Variants in GPHN observed in about 807,000 individuals in gnomAD.
The protein encoded by GPHN is gephyrin.
GPHN carries 17 observed loss-of-function variants against 95.5 expected under a neutral mutation model. That is an observed-to-expected ratio of 0.18 (90% CI 0.12 to 0.27). GPHN has a LOEUF of 0.27. Ranked by LOEUF, GPHN falls within the 10% of genes least tolerant of loss-of-function variation. The pLI, the probability that GPHN is intolerant of heterozygous loss-of-function variation, is 1.00. For synonymous variants in GPHN, 320 were observed against 322.5 expected (o/e 0.99, Z 0.08); for missense variants, 660 against 978.1 (o/e 0.67, Z 4.34).
At chr14:67,302,355 C>A in the GPHN span, 2 of 1,252,426 alleles carry the variant, frequency 1.6e-6, no homozygotes, top group Non-Finnish European at 2.1e-6. Flanking sequence ...AAAATAAATG[C>A]TTAACAAAAA....
At chr14:67,501,772 T>G in the GPHN span, among the ~76,000 whole-genome samples, 1 of 152,186 alleles carries the variant, frequency 6.6e-6, no homozygotes. Flanking sequence ...CTAAAGATTT[T>G]TTAAAAGGTA....
intron 2 of GPHN, among the ~76,000 whole-genome samples, chr14:66,714,888 G>A (rs548664760): frequency 2.5e-4 from 38 of 152,190 alleles, no homozygotes; most frequent in African/African-American, 8.7e-4. Flanking sequence ...CTAGTATTTC[G>A]TTAGGGATTT....
At chr14:66,744,594 A>G (rs1179851163) in intron 2 of GPHN, among the ~76,000 whole-genome samples, 1 of 152,230 alleles carries the variant, frequency 6.6e-6, no homozygotes, top group South Asian at 2.1e-4. Context: ...ATTTCCTTAT[A>G]CAAGTAGTCT....
the GPHN span, among the ~76,000 whole-genome samples, chr14:67,594,789 A>T: frequency 6.6e-6 from 1 of 152,240 alleles, no homozygotes; most frequent in Non-Finnish European, 1.5e-5. Flanking sequence ...AATTAAAATT[A>T]AAAAATGCAT....
chr14:67,425,328 A>G, the GPHN span, among the ~76,000 whole-genome samples: 1 of 152,222 alleles, frequency 6.6e-6, no homozygotes, highest in African/African-American at 2.4e-5. Flanking sequence ...AGGCGGGAGA[A>G]TCACTTGAGG....
chr14:67,403,996 C>T, the GPHN span, among the ~76,000 whole-genome samples: 1 of 152,126 alleles, frequency 6.6e-6, no homozygotes, highest in African/African-American at 2.4e-5. Context: ...AAGGCTGCAA[C>T]AAGCTGTGAT....
rs370987385 is a variant in GPHN at position 67,108,439 on chromosome 14, CAGAGTAGAGAATG to C, written c.1294-1699_1294-1687del. On this transcript the variant is annotated intron_variant, in intron 13 of 22. Transcript: ENST00000478722. ...AGAGGTCAGCTTCTGGACCACAGCA[CAGAGTAGAGAATG>C]ATGATGTGATCTGGAGAGGCAAACA... is the stretch of plus-strand genomic sequence containing the variant. 4.3e-3 allele frequency among the ~76,000 whole-genome samples: 657 copies of C among 152,222 alleles called. 3 individuals are homozygous for C. The highest frequency in any genetic ancestry group is 0.015 in the African/African-American group (616 of 41,512).
intron 1 of GPHN, among the ~76,000 whole-genome samples, chr14:66,521,836 G>A (rs1046292188): frequency 4.6e-5 from 7 of 152,264 alleles, no homozygotes; most frequent in Admixed American, 2.0e-4. Flanking sequence ...GAGGGAACAA[G>A]GGAAGTCTTT....
the GPHN span, among the ~76,000 whole-genome samples, chr14:67,425,156 C>A: frequency 1.3e-5 from 2 of 152,132 alleles, no homozygotes; most frequent in Non-Finnish European, 2.9e-5. Context: ...GTGATCACAG[C>A]TCACTACAGC....
chr14:67,691,104 G>A, the GPHN span: 7 of 1,430,558 alleles, frequency 4.9e-6, no homozygotes, highest in Non-Finnish European at 6.9e-6. Flanking sequence ...AGAATTTTGG[G>A]TCTCTCTAGC....
At chr14:67,044,073 C>T (rs1465175735) in intron 10 of GPHN, among the ~76,000 whole-genome samples, 1 of 151,918 alleles carries the variant, frequency 6.6e-6, no homozygotes, top group East Asian at 1.9e-4. Flanking sequence ...TGGTGATATC[C>T]CCCATATCAT....
the GPHN span, among the ~76,000 whole-genome samples, chr14:67,268,103 G>A: frequency 6.6e-6 from 1 of 152,248 alleles, no homozygotes; most frequent in South Asian, 2.1e-4. Context: ...TGTGTGGAAT[G>A]TCTCAGTCAT....
intron 1 of GPHN, among the ~76,000 whole-genome samples, chr14:66,640,733 G>A (rs1248532664): frequency 2.6e-5 from 4 of 152,110 alleles, no homozygotes; most frequent in Non-Finnish European, 4.4e-5. Flanking sequence ...TTCCTTCCAA[G>A]TAGAATGGAG....
the GPHN span, chr14:67,204,862 A>G: frequency 6.2e-7 from 1 of 1,614,004 alleles, no homozygotes; most frequent in African/African-American, 1.3e-5. Context: ...TGAACATGTC[A>G]GGGACAGCAT....
At chr14:67,161,055 G>A (rs1173788952) in intron 19 of GPHN, among the ~76,000 whole-genome samples, 1 of 152,212 alleles carries the variant, frequency 6.6e-6, no homozygotes, top group Non-Finnish European at 1.5e-5. Context: ...ACTTTGGGAT[G>A]CTGAAGCAGG....
the GPHN span, among the ~76,000 whole-genome samples, chr14:67,436,614 C>G: frequency 6.6e-6 from 1 of 152,236 alleles, no homozygotes; most frequent in African/African-American, 2.4e-5. Context: ...CAGCCTCCAT[C>G]TGGCACCCGA....
the GPHN span, among the ~76,000 whole-genome samples, chr14:67,324,093 C>T: frequency 7.2e-5 from 11 of 152,204 alleles, no homozygotes; most frequent in African/African-American, 2.4e-5. Flanking sequence ...TCAGCCAACT[C>T]TTCAGGATTA....
At chr14:67,285,366 A>ATT in the GPHN span, among the ~76,000 whole-genome samples, 2,572 of 137,846 alleles carry the variant, frequency 0.019, 37 homozygotes, top group Non-Finnish European at 0.027. Flanking sequence ...CCTTAGGTAA[A>ATT]TTTTTTTTTT....
chr14:67,413,315 T>C, the GPHN span, among the ~76,000 whole-genome samples: 1 of 151,964 alleles, frequency 6.6e-6, no homozygotes, highest in Admixed American at 6.6e-5. Flanking sequence ...TTGTCCAGAC[T>C]GGTCTCGAAC....
Sources: gnomAD v4.1 joint callset for allele counts (sites outside exome capture counted in the v4.1 genomes callset) on GRCh38, gnomAD v4.1.1 for gene constraint, MANE v1.5 for transcripts, NCBI Gene and HGNC (gene_info 2026-07-23, HGNC 2026-07-21) for gene names.